The following EYS variants were observed in gnomAD, a reference collection of about 807,000 sequenced individuals.
EYS encodes EGF-like photoreceptor maintenance factor.
EYS carries 250 observed loss-of-function variants against 282.1 expected under a neutral mutation model. That is an observed-to-expected ratio of 0.89 (90% CI 0.80 to 0.98). The LOEUF (loss-of-function observed/expected upper bound fraction) is 0.98. EYS is among the 50% of genes least tolerant of loss of function. EYS has a pLI of 0.00. For synonymous variants in EYS, 1,355 were observed against 1,282.9 expected, an observed-to-expected ratio of 1.06 and a Z score of -1.20; for missense variants, 4,016 against 3,709.0, an observed-to-expected ratio of 1.08 and a Z score of -2.15.
In EYS at chr6:64,631,861, GATA is replaced by G. The variant is rs1388242861; in HGVS notation, c.3444-5619_3444-5617del. 2.0e-5 allele frequency among the ~76,000 whole-genome samples: 3 copies of G among 151,782 alleles called. No individual in the cohort carries two copies. In the East Asian group the frequency reaches 5.8e-4, roughly 29 times the overall value. On this transcript the variant is annotated intron_variant, in intron 22 of 42. Coordinates refer to ENST00000503581, the MANE Select transcript of EYS (RefSeq NM_001142800.2). ...AAACCTTTTTTTATTTTTTGAGATG[GATA>G]ATATTTTAATTTAAATGAGACTTAA...
At chr6:64,668,756 A>T (rs1769330390) in intron 22 of EYS, among the ~76,000 whole-genome samples, 1 of 150,404 alleles carries the variant, frequency 6.6e-6, no homozygotes, top group Non-Finnish European at 1.5e-5. Flanking sequence ...TTAAGTAGAG[A>T]CGGGGTTTCA....
chr6:65,575,321 C>A (rs1764622503), intron 2 of EYS, among the ~76,000 whole-genome samples: 1 of 49,574 alleles, frequency 2.0e-5, no homozygotes. Flanking sequence ...AGTGGGACTT[C>A]CTCTCTAAAT....
intron 31 of EYS, among the ~76,000 whole-genome samples, chr6:64,131,459 T>C (rs1340351341): frequency 1.3e-5 from 2 of 152,034 alleles, no homozygotes; most frequent in Non-Finnish European, 2.9e-5. Context: ...TCATGTAGAG[T>C]CTATGCTCTT....
At chr6:64,528,369 C>A (rs1777991531) in intron 26 of EYS, among the ~76,000 whole-genome samples, 1 of 151,754 alleles carries the variant, frequency 6.6e-6, no homozygotes, top group Non-Finnish European at 1.5e-5. Context: ...ACATAGTCTC[C>A]TTTATGGCTC....
intron 22 of EYS, among the ~76,000 whole-genome samples, chr6:64,788,141 A>C (rs969581573): frequency 3.3e-5 from 5 of 152,162 alleles, no homozygotes; most frequent in African/African-American, 1.2e-4. Context: ...GCTCATACTT[A>C]AGAATAAGGA....
intron 8 of EYS, among the ~76,000 whole-genome samples, chr6:65,372,732 A>G (rs1277176718): frequency 1.3e-5 from 2 of 152,080 alleles, no homozygotes; most frequent in Non-Finnish European, 2.9e-5. Flanking sequence ...CCTCATCACA[A>G]TTTCAATAAG....
chr6:65,092,848 A>G (rs1774615335), intron 12 of EYS, among the ~76,000 whole-genome samples: 1 of 152,166 alleles, frequency 6.6e-6, no homozygotes, highest in South Asian at 2.1e-4. Flanking sequence ...CATCAAGTGA[A>G]CCAATATACA....
chr6:64,882,874 C>T (rs9354186), intron 19 of EYS, among the ~76,000 whole-genome samples: 23,377 of 151,150 alleles, frequency 0.15, 2,124 homozygotes, highest in East Asian at 0.49. Flanking sequence ...TCTCCTCAGA[C>T]GAACTGATAA....
At chr6:65,000,553 T>A (rs909009248) in intron 13 of EYS, among the ~76,000 whole-genome samples, 1 of 152,016 alleles carries the variant, frequency 6.6e-6, no homozygotes, top group African/African-American at 2.4e-5. Context: ...AGGTGGATCA[T>A]TGGAGGTCAG....
chr6:64,394,137 GA>G (rs978833355), intron 28 of EYS, among the ~76,000 whole-genome samples: 41 of 152,176 alleles, frequency 2.7e-4, no homozygotes, highest in African/African-American at 9.9e-4. Context: ...AAAGAGGACA[GA>G]AACAAATGGA....
chr6:64,633,591 G>T (rs1051950112), intron 22 of EYS, among the ~76,000 whole-genome samples: 2 of 148,240 alleles, frequency 1.3e-5, no homozygotes, highest in African/African-American at 5.0e-5. Context: ...CAGTCTGACT[G>T]CAGTAGTTTT....
At chr6:65,443,585 CAT>C (rs1233518649) in intron 5 of EYS, among the ~76,000 whole-genome samples, 1 of 151,478 alleles carries the variant, frequency 6.6e-6, no homozygotes, top group Non-Finnish European at 1.5e-5. Flanking sequence ...TGTATATACA[CAT>C]ATACATATAC....
At chr6:64,317,942 A>G (rs1264090465) in intron 29 of EYS, among the ~76,000 whole-genome samples, 2 of 152,030 alleles carry the variant, frequency 1.3e-5, no homozygotes, top group African/African-American at 2.4e-5. Flanking sequence ...AAAACCAAAC[A>G]CTGTATGTCC....
At chr6:64,235,221 T>C (rs928105547) in intron 30 of EYS, among the ~76,000 whole-genome samples, 1 of 151,344 alleles carries the variant, frequency 6.6e-6, no homozygotes, top group East Asian at 1.9e-4. Context: ...GTATATCTCC[T>C]AATGCTATCC....
chr6:64,084,054 A>G (rs1249318102), intron 31 of EYS, among the ~76,000 whole-genome samples: 1 of 152,184 alleles, frequency 6.6e-6, no homozygotes, highest in Non-Finnish European at 1.5e-5. Context: ...AGTTTTTAGT[A>G]TAAGTATGTC....
intron 40 of EYS, among the ~76,000 whole-genome samples, chr6:63,765,473 G>A (rs903732014): frequency 1.3e-5 from 2 of 151,736 alleles, no homozygotes; most frequent in Non-Finnish European, 2.9e-5. Context: ...GCAGGCTCAG[G>A]CAGTTCAACT....
Position 65,692,230 on chromosome 6 carries a change from T to C in EYS, c.-448+14905A>G, listed in dbSNP as rs143886106. Among the ~76,000 whole-genome samples the C allele has an allele frequency of 3.9e-4, 58 of 150,208 alleles. 1 individual carries two copies. The highest frequency in any genetic ancestry group is 1.4e-3 in the African/African-American group (57 of 41,278). ...AACTAAATAATGTTAACAGTGAACA[T>C]AGAGCGTGGAATAATAGGCATAGGA... On this transcript the variant is annotated intron_variant, in intron 1 of 42. Transcript: ENST00000503581.
chr6:64,982,307 A>T (rs1770701931), intron 14 of EYS, among the ~76,000 whole-genome samples: 1 of 151,418 alleles, frequency 6.6e-6, no homozygotes, highest in Non-Finnish European at 1.5e-5. Flanking sequence ...AAGACAAAGC[A>T]AGTTTAATTA....
chr6:64,089,345 TATA>T (rs894084665), intron 31 of EYS, among the ~76,000 whole-genome samples: 27 of 150,530 alleles, frequency 1.8e-4, no homozygotes, highest in Admixed American at 1.0e-3. Flanking sequence ...CTACATTTAT[TATA>T]ATATTATAAA....
Sources: allele counts gnomAD v4.1 joint callset (sites outside exome capture counted in the v4.1 genomes callset), GRCh38; gene constraint gnomAD v4.1.1; transcripts MANE v1.5; gene names NCBI Gene and HGNC (gene_info 2026-07-23, HGNC 2026-07-21).